TMPRSS9: variants seen among roughly 807,000 people sequenced by gnomAD.
TMPRSS9 encodes the protein transmembrane protease serine 9.
Under a neutral mutation model 111.4 loss-of-function variants are expected in TMPRSS9, and 113 were observed. The observed-to-expected ratio is 1.01, with a 90% CI of 0.87 to 1.19. TMPRSS9 has a LOEUF of 1.19. TMPRSS9 is among the 50% of genes most tolerant of loss of function. The pLI is 0.00. For synonymous variants in TMPRSS9, 805 were observed against 659.1 expected (o/e 1.22, Z -3.39); for missense variants, 1,803 against 1,513.1 (o/e 1.19, Z -3.18).
intron 1 of TMPRSS9, among the ~76,000 whole-genome samples, chr19:2,381,843 C>T (rs10424462): frequency 0.45 from 68,514 of 151,630 alleles, 16,241 homozygotes; most frequent in East Asian, 0.6. Context: ...TTCATTCATT[C>T]ATTCATTCAT....
rs1970947757 is a variant in TMPRSS9, at chr19:2,405,423, C to CA, written c.721dup (p.Met241AsnfsTer41). 1 of 1,607,270 alleles carries CA rather than the reference C, an allele frequency of 6.2e-7. No individual in the cohort carries two copies. Among genetic ancestry groups the CA allele is most frequent in the Admixed American group, 1.7e-5 (1 of 58,580 alleles). ...GGATGGCCGGCAGGATCGTGGGCGG[C>CA]ATGGAAGCATCCCCGGGGGAGTTTC... On this transcript the variant is annotated frameshift_variant, in exon 7 of 18. Transcript: ENST00000648592. LOFTEE classifies it high-confidence loss of function.
chr19:2,374,990 T>A (rs1970320684), intron 1 of TMPRSS9, among the ~76,000 whole-genome samples: 1 of 152,180 alleles, frequency 6.6e-6, no homozygotes, highest in Non-Finnish European at 1.5e-5. Context: ...GTGGAGGAGC[T>A]GGTGCTGGGC....
At chr19:2,403,991 C>CAAAA (rs924148287) in intron 6 of TMPRSS9, among the ~76,000 whole-genome samples, 1 of 50,476 alleles carries the variant, frequency 2.0e-5, no homozygotes, top group Non-Finnish European at 4.1e-5. Flanking sequence ...GACTCTGTCT[C>CAAAA]AAAAAAAAAA....
chr19:2,423,967 T>C lies in TMPRSS9; in HGVS notation c.2549-122T>C, dbSNP rs974415941. 14 of 1,050,046 alleles carry C rather than the reference T, an allele frequency of 1.3e-5. No homozygotes were observed. In the Admixed American group the frequency reaches 4.7e-4, roughly 35 times the overall value. The allele number at this position is 1,050,046 out of a possible 1,614,324, so 65.0% of individuals were successfully genotyped here. A position where few individuals can be genotyped will look rare whatever the true frequency, so the allele number is the denominator to read the frequency against. ...TCCTGCTGAGTTTTCCTGGGATAGGTCCCCCATCACAACCTACTCCCTGGG... is the reference window on the plus strand; with the variant it reads ...TCCTGCTGAGTTTTCCTGGGATAGGCCCCCCATCACAACCTACTCCCTGGG... On this transcript the variant is annotated intron_variant, in intron 14 of 17. Coordinates refer to ENST00000648592, the Ensembl canonical transcript of TMPRSS9.
At chr19:2,411,013 T>C (rs978782738) in intron 9 of TMPRSS9, among the ~76,000 whole-genome samples, 4 of 152,018 alleles carry the variant, frequency 2.6e-5, no homozygotes, top group Non-Finnish European at 5.9e-5. Context: ...TCAAGAAGGT[T>C]CCAGGGCTGG....
At chr19:2,401,605 CTT>C (rs1370002839) in intron 4 of TMPRSS9, among the ~76,000 whole-genome samples, 1 of 151,920 alleles carries the variant, frequency 6.6e-6, no homozygotes, top group Non-Finnish European at 1.5e-5. Flanking sequence ...CGTTTTCTTT[CTT>C]TCTTTTTTCT....
chr19:2,402,462 G>A (rs922901223), intron 5 of TMPRSS9, among the ~76,000 whole-genome samples: 85 of 151,860 alleles, frequency 5.6e-4, no homozygotes, highest in African/African-American at 1.6e-3. Context: ...ACATAAGGCC[G>A]GGCGCACTGG....
Position 2,372,996 on chromosome 19 carries a change from T to G in TMPRSS9, c.-26+12636T>G, listed in dbSNP as rs564335423. Reference sequence around the variant, plus strand: ...ACAGGCGTGCACCACCACCCCTGGCTAATTATTTTTATTTTTTGTGGAGAT... The same window carrying G: ...ACAGGCGTGCACCACCACCCCTGGCGAATTATTTTTATTTTTTGTGGAGAT... On this transcript the variant is annotated intron_variant, in intron 1 of 17. Coordinates refer to the TMPRSS9 transcript ENST00000649857. Among the ~76,000 whole-genome samples, 146 of 151,878 alleles carry G rather than the reference T, an allele frequency of 9.6e-4. 1 individual carries two copies. The South Asian group carries it at 0.02, about 20-fold the overall frequency.
At chr19:2,399,671 A>AGTGTT (rs748899917) in intron 4 of TMPRSS9, among the ~76,000 whole-genome samples, 40 of 152,148 alleles carry the variant, frequency 2.6e-4, no homozygotes, top group South Asian at 8.3e-4. Flanking sequence ...AAAGAGCCAG[A>AGTGTT]GTGTTGTGTT....
At chr19:2,425,553 CCCG>C in intron 17 of TMPRSS9, 60 bp downstream of exon 18, 1 of 1,457,726 alleles carries the variant, frequency 6.9e-7, no homozygotes, top group Non-Finnish European at 9.0e-7. Flanking sequence ...AGGGCGGGTT[CCCG>C]CTGCCACGAA....
rs780038567 is a variant in TMPRSS9 at position 2,408,350 on chromosome 19, CTGCAGGT to C, written c.843-4_845del. ...GTGGCTTCTGAGCTGGGGTTTGCTC[CTGCAGGT>C]TCCAAGACCCGACGAAGTGGGTGGC... On this transcript the variant is annotated splice_acceptor_variant and splice_polypyrimidine_tract_variant and coding_sequence_variant and intron_variant, in exon 8 of 18. Coordinates refer to ENST00000648592, the Ensembl canonical transcript of TMPRSS9. LOFTEE classifies it high-confidence loss of function. The C allele has an allele frequency of 1.9e-6, 3 of 1,611,108 alleles. No homozygotes were observed.
At chr19:2,396,444 T>G (rs898898228) in intron 1 of TMPRSS9, 95 bp from the exon 3 acceptor site, 2 of 1,415,984 alleles carry the variant, frequency 1.4e-6, no homozygotes, top group Non-Finnish European at 1.9e-6. Flanking sequence ...CACCAGGGTG[T>G]GTGAGTGCAA....
intron 13 of TMPRSS9, among the ~76,000 whole-genome samples, 177 bp downstream of exon 14, chr19:2,418,315 C>G (rs1199884217): frequency 2.7e-5 from 1 of 36,638 alleles, no homozygotes; most frequent in Non-Finnish European, 4.5e-5. Context: ...CTTTCCCTCC[C>G]TCCCTCCCTC....
At chr19:2,366,685 A>G (rs528826066) in intron 1 of TMPRSS9, among the ~76,000 whole-genome samples, 103 of 150,904 alleles carry the variant, frequency 6.8e-4, no homozygotes, top group African/African-American at 2.2e-3. Flanking sequence ...ATGAAACCCC[A>G]CCTCTACTAA....
Position 2,422,494 on chromosome 19 carries a change from T to A in TMPRSS9, c.2548+247T>A, listed in dbSNP as rs1315578219. 2.0e-5 allele frequency among the ~76,000 whole-genome samples: 3 copies of A among 152,132 alleles called. No homozygotes were observed. In the East Asian group the frequency reaches 5.8e-4, roughly 29 times the overall value. ...TACGCGGGAGGCTAAGGCAGGAGAA[T>A]GGCATGAAGCCGGGAGGCGGAGCTT... On this transcript the variant is annotated intron_variant, in intron 14 of 17. Coordinates refer to ENST00000648592, the Ensembl canonical transcript of TMPRSS9.
chr19:2,398,712 C>T (rs1313764012), intron 2 of TMPRSS9, 83 bp from the exon 4 acceptor site: 1 of 969,948 alleles, frequency 1.0e-6, no homozygotes, highest in East Asian at 5.2e-5. Flanking sequence ...TCTCCAGCTC[C>T]CTCCAACACC....
chr19:2,422,134 G>A, exon 14 of TMPRSS9: 1 of 1,594,724 alleles, frequency 6.3e-7, no homozygotes. Flanking sequence ...GGGGCTGCCA[G>A]CAGGGTGACG....
chr19:2,394,319 CGAGGCTGCAGTGAGCAGT>C (rs1371488071), intron 1 of TMPRSS9, among the ~76,000 whole-genome samples: 2 of 151,814 alleles, frequency 1.3e-5, no homozygotes, highest in Non-Finnish European at 2.9e-5. Context: ...CCCATGAGGT[CGAGGCTGCAGTGAGCAGT>C]GATTGTGCCA....
chr19:2,384,052 A>G (rs1223798307), intron 1 of TMPRSS9, among the ~76,000 whole-genome samples: 1 of 151,498 alleles, frequency 6.6e-6, no homozygotes. Flanking sequence ...GTCCAGAGCA[A>G]CTCCACTCCC....
Sources: allele counts gnomAD v4.1 joint callset (sites outside exome capture counted in the v4.1 genomes callset), GRCh38; gene constraint gnomAD v4.1.1; transcripts MANE v1.5; gene names NCBI Gene and HGNC (gene_info 2026-07-23, HGNC 2026-07-21).